The following EYS variants were observed in gnomAD, a reference collection of about 807,000 sequenced individuals.
EYS encodes EGF-like photoreceptor maintenance factor.
EYS carries 250 observed loss-of-function variants against 282.1 expected under a neutral mutation model. The observed-to-expected ratio is 0.89, with a 90% confidence interval of 0.80 to 0.98. EYS has a LOEUF of 0.98. Among genes scored for constraint, EYS ranks in the 50% least tolerant of loss-of-function variants. The pLI is 0.00. For synonymous variants in EYS, 1,355 were observed against 1,282.9 expected, an observed-to-expected ratio of 1.06 and a Z score of -1.20; for missense variants, 4,016 against 3,709.0, an observed-to-expected ratio of 1.08 and a Z score of -2.15.
intron 12 of EYS, among the ~76,000 whole-genome samples, chr6:65,231,306 A>G (rs1447872075): frequency 2.7e-5 from 4 of 150,814 alleles, no homozygotes; most frequent in African/African-American, 9.7e-5. Flanking sequence ...GATCAGAAAA[A>G]ATAAAATATA....
chr6:64,185,326 A>G (rs1437238959), intron 31 of EYS, among the ~76,000 whole-genome samples: 1 of 152,020 alleles, frequency 6.6e-6, no homozygotes, highest in Non-Finnish European at 1.5e-5. Flanking sequence ...ACTATCATTA[A>G]CTGAATAAAA....
chr6:64,901,255 G>C (rs1365765880), intron 18 of EYS, among the ~76,000 whole-genome samples: 1 of 144,690 alleles, frequency 6.9e-6, no homozygotes, highest in African/African-American at 2.6e-5. Flanking sequence ...TGGGGGGCAA[G>C]GGGAGGGATA....
At chr6:65,044,090 G>A (rs1450470332) in intron 13 of EYS, among the ~76,000 whole-genome samples, 1 of 151,552 alleles carries the variant, frequency 6.6e-6, no homozygotes, top group Admixed American at 6.6e-5. Context: ...GAGGAGTAAA[G>A]TGATATTTCG....
At chr6:65,010,168 G>A (rs761590698) in intron 13 of EYS, among the ~76,000 whole-genome samples, 4 of 152,326 alleles carry the variant, frequency 2.6e-5, no homozygotes, top group Non-Finnish European at 2.9e-5. Context: ...ACACAGGTCC[G>A]AGGGACAAGC....
intron 5 of EYS, among the ~76,000 whole-genome samples, chr6:65,419,260 A>G (rs2150375836): frequency 1.3e-5 from 2 of 152,006 alleles, no homozygotes; most frequent in Admixed American, 1.3e-4. Context: ...GTGAGAGAAC[A>G]TATCTACACC....
chr6:65,426,333 T>C (rs558393098), intron 5 of EYS, among the ~76,000 whole-genome samples: 1 of 152,168 alleles, frequency 6.6e-6, no homozygotes, highest in South Asian at 2.1e-4. Context: ...AACAAATTGC[T>C]CTCCACCTGT....
intron 30 of EYS, among the ~76,000 whole-genome samples, chr6:64,261,901 T>A (rs1406545475): frequency 6.6e-6 from 1 of 151,738 alleles, no homozygotes; most frequent in Non-Finnish European, 1.5e-5. Context: ...GGACTACAGG[T>A]GTGCACCACA....
At chr6:64,285,614 A>C (rs1407722930) in intron 30 of EYS, among the ~76,000 whole-genome samples, 1 of 152,140 alleles carries the variant, frequency 6.6e-6, no homozygotes, top group Non-Finnish European at 1.5e-5. Context: ...ACTGGTACCA[A>C]TTTACTGTAT....
intron 2 of EYS, among the ~76,000 whole-genome samples, chr6:65,616,257 C>G (rs970183056): frequency 6.6e-6 from 1 of 152,062 alleles, no homozygotes; most frequent in East Asian, 1.9e-4. Flanking sequence ...CTGTGAGTTT[C>G]TTCACTAATT....
At chr6:65,608,015 T>C (rs354393) in intron 2 of EYS, among the ~76,000 whole-genome samples, 10,694 of 152,050 alleles carry the variant, frequency 0.07, 622 homozygotes, top group East Asian at 0.16. Flanking sequence ...CTCTTAAAAA[T>C]TCTTGATTTT....
chr6:65,004,393 C>T (rs1771568117), intron 13 of EYS, among the ~76,000 whole-genome samples: 2 of 147,364 alleles, frequency 1.4e-5, no homozygotes, highest in African/African-American at 4.9e-5. Flanking sequence ...CTAAACTCTC[C>T]CATTACTATG....
In EYS at chr6:64,944,940, T is replaced by C. The variant is rs563052427; in HGVS notation, c.2381+853A>G. Among the ~76,000 whole-genome samples, 34 of 152,136 alleles carry C rather than the reference T, an allele frequency of 2.2e-4. No individual in the cohort carries two copies. The South Asian group carries it at 6.2e-3, about 28-fold the overall frequency. ...CCTTCCCTTGAACTTAATTATGACA[T>C]AGATTCTATTGTTCACATATTTGTT... On this transcript the variant is annotated intron_variant, in intron 15 of 42. Transcript: ENST00000503581.
At chr6:65,211,240 G>T (rs1766169720) in intron 12 of EYS, among the ~76,000 whole-genome samples, 1 of 151,904 alleles carries the variant, frequency 6.6e-6, no homozygotes, top group African/African-American at 2.4e-5. Flanking sequence ...CCTAGGAAAG[G>T]GCTTGTGTTG....
intron 5 of EYS, among the ~76,000 whole-genome samples, chr6:65,443,781 T>C (rs1288032419): frequency 6.6e-6 from 1 of 151,464 alleles, no homozygotes; most frequent in Non-Finnish European, 1.5e-5. Flanking sequence ...TATTCATATA[T>C]AGTTACATAT....
rs75007933 is a variant in EYS at position 64,750,741 on chromosome 6, A to G, written c.3443+62637T>C. ...TTGGAAATAGCAAGATAATGCATAG[A>G]GACTAACACTGTGAGAGTATATAGA... On this transcript the variant is annotated intron_variant, in intron 22 of 42. Transcript: ENST00000503581. 8.3e-4 allele frequency among the ~76,000 whole-genome samples: 126 copies of G among 152,320 alleles called. 1 individual carries two copies. The highest frequency in any genetic ancestry group is 2.5e-3 in the African/African-American group (102 of 41,570).
intron 11 of EYS, among the ~76,000 whole-genome samples, chr6:65,328,330 T>A (rs888615152): frequency 6.6e-6 from 1 of 151,428 alleles, no homozygotes; most frequent in African/African-American, 2.4e-5. Context: ...CACTCATCAC[T>A]TTTCACCCAA....
chr6:65,126,583 G>T (rs1775726009), intron 12 of EYS, among the ~76,000 whole-genome samples: 1 of 151,914 alleles, frequency 6.6e-6, no homozygotes, highest in Non-Finnish European at 1.5e-5. Flanking sequence ...CAGATTTTTG[G>T]GCCCACTCCA....
intron 26 of EYS, among the ~76,000 whole-genome samples, chr6:64,578,593 CTCTT>C (rs1251508341): frequency 4.1e-5 from 6 of 145,158 alleles, no homozygotes; most frequent in Non-Finnish European, 6.1e-5. Flanking sequence ...CTTTCTCTCT[CTCTT>C]TGTGTGTGTG....
chr6:64,859,357 TACA>T (rs1182455800), intron 19 of EYS, among the ~76,000 whole-genome samples: 2 of 151,480 alleles, frequency 1.3e-5, no homozygotes, highest in Admixed American at 1.3e-4. Flanking sequence ...ATAAAAATAT[TACA>T]ACATGTATAT....
Sources: gnomAD v4.1 joint callset for allele counts (sites outside exome capture counted in the v4.1 genomes callset) on GRCh38, gnomAD v4.1.1 for gene constraint, MANE v1.5 for transcripts, NCBI Gene and HGNC (gene_info 2026-07-23, HGNC 2026-07-21) for gene names.